The following ROBO1 variants were observed in gnomAD, a reference collection of about 807,000 sequenced individuals.
ROBO1 encodes the protein roundabout homolog 1.
In ROBO1, 149 loss-of-function variants were observed where a neutral mutation model predicts 195.9. That is an observed-to-expected ratio of 0.76 (90% confidence interval 0.67 to 0.87). The LOEUF is 0.87. ROBO1 is among the 40% of genes least tolerant of loss of function. The probability of loss-of-function intolerance (pLI) is 0.00; values close to 1 mark genes in which losing one functional copy is unlikely to be tolerated. For synonymous variants in ROBO1, 816 were observed against 733.2 expected, an observed-to-expected ratio of 1.11 and a Z score of -1.82; for missense variants, 1,933 against 2,068.3, an observed-to-expected ratio of 0.93 and a Z score of 1.27.
At chr3:78,741,411 A>G (rs1191107891) in intron 5 of ROBO1, among the ~76,000 whole-genome samples, 1 of 152,220 alleles carries the variant, frequency 6.6e-6, no homozygotes, top group African/African-American at 2.4e-5. Flanking sequence ...TAAGTGGCAA[A>G]TTTTAAAACA....
chr3:79,590,783 ATATT>A (rs1343597004), intron 1 of ROBO1, among the ~76,000 whole-genome samples: 4 of 148,706 alleles, frequency 2.7e-5, no homozygotes, highest in Admixed American at 1.3e-4. Flanking sequence ...ATTTCATGGT[ATATT>A]TATTTATATA....
intron 3 of ROBO1, among the ~76,000 whole-genome samples, chr3:79,025,957 C>A (rs567652238): frequency 4.7e-4 from 72 of 152,252 alleles, no homozygotes; most frequent in Non-Finnish European, 9.3e-4. Flanking sequence ...CCAGAATAAT[C>A]AGCAATTCTT....
chr3:78,804,637 C>A (rs1451568761), intron 4 of ROBO1, among the ~76,000 whole-genome samples: 1 of 147,228 alleles, frequency 6.8e-6, no homozygotes, highest in Non-Finnish European at 1.5e-5. Context: ...AGTTATTGGG[C>A]AGACTTCTTA....
intron 8 of ROBO1, among the ~76,000 whole-genome samples, chr3:78,701,144 T>G (rs1278969579): frequency 6.6e-6 from 1 of 152,210 alleles, no homozygotes; most frequent in Admixed American, 6.5e-5. Context: ...GAGTAAAACC[T>G]TGCTCTAATG....
intron 2 of ROBO1, among the ~76,000 whole-genome samples, chr3:79,524,695 T>A (rs1318499119): frequency 6.6e-6 from 1 of 152,140 alleles, no homozygotes; most frequent in Non-Finnish European, 1.5e-5. Flanking sequence ...GATCAATGTA[T>A]GTTTGTTTGT....
intron 4 of ROBO1, among the ~76,000 whole-genome samples, chr3:78,752,383 G>C (rs781174313): frequency 1.3e-5 from 2 of 152,028 alleles, no homozygotes; most frequent in Non-Finnish European, 2.9e-5. Flanking sequence ...AAATGTTGAC[G>C]TCTGTCAAAA....
intron 28 of ROBO1, among the ~76,000 whole-genome samples, chr3:78,609,393 G>A (rs1441101442): frequency 1.3e-5 from 2 of 152,062 alleles, no homozygotes; most frequent in Non-Finnish European, 1.5e-5. Context: ...AGGGAGCACC[G>A]TTCACATCAA....
At chr3:78,915,499 C>T (rs975151429) in intron 4 of ROBO1, among the ~76,000 whole-genome samples, 1 of 152,062 alleles carries the variant, frequency 6.6e-6, no homozygotes, top group Non-Finnish European at 1.5e-5. Context: ...ATATTTCCAG[C>T]ATTTCCACAC....
intron 4 of ROBO1, among the ~76,000 whole-genome samples, chr3:78,798,589 C>A (rs1320305355): frequency 6.6e-6 from 1 of 152,094 alleles, no homozygotes; most frequent in Non-Finnish European, 1.5e-5. Flanking sequence ...AGCATGCTCC[C>A]AAATTAAAAT....
At chr3:78,769,512 G>C (rs424049) in intron 4 of ROBO1, among the ~76,000 whole-genome samples, 152,133 of 152,168 alleles carry the variant, frequency 1, 76,049 homozygotes, top group Non-Finnish European at 1. Context: ...CATTCTGTGG[G>C]TCTGTATCTT....
At chr3:79,271,242 G>A (rs1038505759) in intron 2 of ROBO1, among the ~76,000 whole-genome samples, 3 of 151,812 alleles carry the variant, frequency 2.0e-5, no homozygotes, top group Non-Finnish European at 4.4e-5. Context: ...TTTTTTATTA[G>A]GAAGTAAATA....
intron 2 of ROBO1, among the ~76,000 whole-genome samples, chr3:79,279,023 C>T (rs987241447): frequency 1.3e-5 from 2 of 151,986 alleles, no homozygotes; most frequent in Admixed American, 6.6e-5. Context: ...ACCTGTAATC[C>T]CAGCACTTTG....
chr3:78,640,286 A>G (rs1387173767), intron 21 of ROBO1, among the ~76,000 whole-genome samples: 1 of 152,214 alleles, frequency 6.6e-6, no homozygotes, highest in African/African-American at 2.4e-5. Flanking sequence ...GACCCATTAA[A>G]AAATTGTGAC....
chr3:79,534,080 G>A (rs1011673445), intron 2 of ROBO1, among the ~76,000 whole-genome samples: 1 of 135,734 alleles, frequency 7.4e-6, no homozygotes, highest in African/African-American at 2.7e-5. Context: ...GACTCTAATA[G>A]GTATTGTTGG....
chr3:78,960,358 ATAT>A (rs1461539687), intron 3 of ROBO1, among the ~76,000 whole-genome samples: 6 of 149,208 alleles, frequency 4.0e-5, no homozygotes, highest in Non-Finnish European at 8.9e-5. Context: ...ATATTTTATA[ATAT>A]ATTAATATAT....
At chr3:78,911,602 G>T (rs956017125) in intron 4 of ROBO1, among the ~76,000 whole-genome samples, 1 of 152,014 alleles carries the variant, frequency 6.6e-6, no homozygotes, top group Non-Finnish European at 1.5e-5. Flanking sequence ...TGATCCTACT[G>T]AGTAAGGTGT....
chr3:78,602,039 TGTGTGA>T (rs1474785207), intron 29 of ROBO1, among the ~76,000 whole-genome samples: 1 of 35,552 alleles, frequency 2.8e-5, no homozygotes, highest in African/African-American at 8.0e-5. Flanking sequence ...ATCATTCATG[TGTGTGA>T]GTGTGTGTGT....
chr3:79,244,108 A>C (rs959063802), intron 2 of ROBO1, among the ~76,000 whole-genome samples: 2 of 152,092 alleles, frequency 1.3e-5, no homozygotes, highest in African/African-American at 4.8e-5. Context: ...GGTAGTATTC[A>C]GGCAAGGATT....
chr3:79,343,623 C>T (rs1359425330), intron 2 of ROBO1, among the ~76,000 whole-genome samples: 2 of 152,016 alleles, frequency 1.3e-5, no homozygotes, highest in African/African-American at 2.4e-5. Context: ...TGGAATACAC[C>T]GCACTACTGA....
Sources: allele counts gnomAD v4.1 joint callset (sites outside exome capture counted in the v4.1 genomes callset), GRCh38; gene constraint gnomAD v4.1.1; transcripts MANE v1.5; gene names NCBI Gene and HGNC (gene_info 2026-07-23, HGNC 2026-07-21).